The following RNF111 variants were observed in gnomAD, a reference collection of about 807,000 sequenced individuals.
RNF111 encodes the protein ring finger protein 111.
A neutral mutation model predicts 95.1 loss-of-function variants in RNF111; 17 were observed. The ratio of observed to expected loss-of-function variants is 0.18; its 90% CI spans 0.12 to 0.27. The LOEUF (loss-of-function observed/expected upper bound fraction) is 0.27. Ranked by LOEUF, RNF111 falls within the 10% of genes least tolerant of loss-of-function variation. The pLI is 1.00. For synonymous variants in RNF111, 440 were observed against 414.8 expected, an observed-to-expected ratio of 1.06 and a Z score of -0.74; for missense variants, 1,189 against 1,210.4, an observed-to-expected ratio of 0.98 and a Z score of 0.26.
intron 4 of RNF111, among the ~76,000 whole-genome samples, chr15:59,056,337 C>T (rs189097706): frequency 6.6e-4 from 100 of 152,118 alleles, no homozygotes; most frequent in African/African-American, 2.3e-3. Context: ...CAGCTGTACC[C>T]AAGTAACTGA....
rs1397709735 is a variant in RNF111 at position 59,069,998 on chromosome 15, T to C, written c.1686+2915T>C. On this transcript the variant is annotated intron_variant, in intron 6 of 13. Transcript: ENST00000348370. The stretch of plus-strand genomic sequence containing the variant: ...ATCCCTACCCACCCCTGCCACACCA[T>C]CCCCACCCCCCAACCCCACCCCACC... Among the ~76,000 whole-genome samples the C allele has an allele frequency of 2.0e-4, 8 of 39,728 alleles. No individual in the cohort carries two copies. The East Asian group carries it at 2.5e-3, about 12-fold the overall frequency. The allele number at this position is 39,728 out of a possible 152,430, so 26.1% of individuals were successfully genotyped here.
intron 1 of RNF111, among the ~76,000 whole-genome samples, chr15:59,029,704 C>A (rs2040810957): frequency 1.3e-5 from 2 of 152,146 alleles, no homozygotes. Context: ...CAAAACAAAT[C>A]TGTGGTGTCA....
chr15:59,061,739 G>A (rs1273875271), intron 5 of RNF111, among the ~76,000 whole-genome samples: 4 of 151,658 alleles, frequency 2.6e-5, no homozygotes, highest in South Asian at 2.1e-4. Flanking sequence ...TTGTGTCTTC[G>A]GCATCTTCTC....
intron 11 of RNF111, among the ~76,000 whole-genome samples, 164 bp downstream of exon 11, chr15:59,089,923 A>G (rs1414051468): frequency 6.6e-6 from 1 of 152,194 alleles, no homozygotes; most frequent in Non-Finnish European, 1.5e-5. Flanking sequence ...TGTAAGTATT[A>G]TTAATCTTAG....
chr15:59,078,776 T>G (rs1275882565), intron 7 of RNF111, among the ~76,000 whole-genome samples: 1 of 151,666 alleles, frequency 6.6e-6, no homozygotes, highest in Non-Finnish European at 1.5e-5. Flanking sequence ...GGAGAATTGC[T>G]TGAACCTGGG....
intron 1 of RNF111, among the ~76,000 whole-genome samples, chr15:58,993,667 T>G (rs2038918768): frequency 6.6e-6 from 1 of 152,218 alleles, no homozygotes; most frequent in South Asian, 2.1e-4. Flanking sequence ...AGTGTTGTAT[T>G]TCAGGCACTG....
At chr15:59,066,036 A>G (rs1297869221) in intron 5 of RNF111, among the ~76,000 whole-genome samples, 1 of 152,156 alleles carries the variant, frequency 6.6e-6, no homozygotes, top group East Asian at 1.9e-4. Flanking sequence ...TAAGAAGTAC[A>G]TAGCTGCCTG....
chr15:59,018,157 A>G (rs1446711623), intron 1 of RNF111, among the ~76,000 whole-genome samples: 2 of 152,202 alleles, frequency 1.3e-5, no homozygotes, highest in African/African-American at 4.8e-5. Context: ...TTGATAAATT[A>G]TTATCATTTT....
intron 5 of RNF111, 43 bp from the exon 6 acceptor site, chr15:59,066,721 A>G (rs781277317): frequency 1.4e-6 from 2 of 1,476,012 alleles, no homozygotes; most frequent in South Asian, 1.2e-5. Flanking sequence ...ACACAGTGAT[A>G]TTTCATGATT....
chr15:59,084,365 A>C, intron 9 of RNF111, 111 bp downstream of exon 9: 1 of 1,112,954 alleles, frequency 9.0e-7, no homozygotes, highest in Non-Finnish European at 1.2e-6. Context: ...GAGAAACCTA[A>C]TCCCCAGTTT....
At chr15:59,071,024 G>A (rs954289198) in intron 6 of RNF111, among the ~76,000 whole-genome samples, 22 of 152,110 alleles carry the variant, frequency 1.4e-4, no homozygotes, top group East Asian at 1.3e-3. Flanking sequence ...GTGGCCGGGC[G>A]CGGTGGCTCA....
intron 1 of RNF111, among the ~76,000 whole-genome samples, chr15:58,999,315 T>C (rs1395002089): frequency 2.0e-5 from 3 of 152,230 alleles, no homozygotes; most frequent in Non-Finnish European, 2.9e-5. Context: ...AAGTTACTTA[T>C]ATTAGATATA....
intron 5 of RNF111, among the ~76,000 whole-genome samples, chr15:59,060,996 C>T (rs1460961811): frequency 2.6e-5 from 4 of 151,930 alleles, no homozygotes; most frequent in East Asian, 1.9e-4. Context: ...GCCATGTTGC[C>T]GTGTTGCCCA....
chr15:59,010,032 G>C (rs573090451), intron 1 of RNF111, among the ~76,000 whole-genome samples: 1 of 152,124 alleles, frequency 6.6e-6, no homozygotes, highest in Non-Finnish European at 1.5e-5. Context: ...TTGTCATTCA[G>C]TTTATATGCA....
At chr15:59,085,623 C>G in intron 9 of RNF111, 36 bp from the exon 10 acceptor site, 1 of 1,601,288 alleles carries the variant, frequency 6.2e-7, no homozygotes, top group Non-Finnish European at 8.5e-7. Flanking sequence ...AAAAGAGACC[C>G]TAAGGAGGAT....
At chr15:59,037,801 A>T (rs905596131) in intron 2 of RNF111, among the ~76,000 whole-genome samples, 2 of 152,110 alleles carry the variant, frequency 1.3e-5, no homozygotes, top group African/African-American at 2.4e-5. Flanking sequence ...ACGCCATTGC[A>T]CTCCAGCCTG....
Position 59,066,776 on chromosome 15 carries a change from G to T in RNF111, c.1379G>T (p.Arg460Ile). The T allele has an allele frequency of 6.2e-7, 1 of 1,613,300 alleles. No homozygotes were observed. Among genetic ancestry groups the T allele is most frequent in the African/African-American group, 1.3e-5 (1 of 74,958 alleles). The change falls in exon 6 of 14, where the codon AGA becomes ATA. Residue 460 changes from arginine to isoleucine, a missense_variant. Physicochemically the swap from Arg to Ile is moderately conservative, Grantham distance 97 (BLOSUM62 -3). Coordinates refer to ENST00000348370, the MANE Select transcript of RNF111 (RefSeq NM_017610.8). ...TGTSIGDDSRRTTSSAVTETG... is the reference protein window; with the variant it reads ...TGTSIGDDSRITTSSAVTETG... ...TTTCTGTTTCAAGATGACTCAAGGA[G>T]AACTACATCTAGTGCTGTAACGGAA...
At chr15:59,003,433 C>T (rs1267286765) in intron 1 of RNF111, among the ~76,000 whole-genome samples, 4 of 151,932 alleles carry the variant, frequency 2.6e-5, no homozygotes, top group East Asian at 1.9e-4. Context: ...GAGTCTGGCT[C>T]TGTTGCTCAG....
At chr15:59,053,738 A>G (rs1302968220) in intron 3 of RNF111, among the ~76,000 whole-genome samples, 3 of 152,076 alleles carry the variant, frequency 2.0e-5, no homozygotes, top group African/African-American at 7.2e-5. Context: ...GAAATTACAG[A>G]CCTATTTTTC....
Sources: gnomAD v4.1 joint callset for allele counts (sites outside exome capture counted in the v4.1 genomes callset) on GRCh38, gnomAD v4.1.1 for gene constraint, MANE v1.5 for transcripts, NCBI Gene and HGNC (gene_info 2026-07-23, HGNC 2026-07-21) for gene names.